Variants in VPS33B observed in about 807,000 individuals in gnomAD.
VPS33B encodes vacuolar protein sorting-associated protein 33B.
In VPS33B, 80 loss-of-function variants were observed where a neutral mutation model predicts 95.3. The observed-to-expected ratio is 0.84, with a 90% CI of 0.70 to 1.01. VPS33B has a LOEUF of 1.01. Ranked by LOEUF, VPS33B falls within the 50% of genes least tolerant of loss-of-function variation. The pLI is 0.00. For missense variants in VPS33B, 715 were observed against 773.4 expected, an observed-to-expected ratio of 0.92 and a Z score of 0.90; for synonymous variants, 280 against 280.4, an observed-to-expected ratio of 1.00 and a Z score of 0.01.
In VPS33B at chr15:91,006,888, G is replaced by A. The variant is rs144447841; in HGVS notation, c.700+62C>T. ...TTTAGGATTTTAACTTTGCCACCAC[G>A]CCTTCCATATTCCCGTGTCTTCTAG... On this transcript the variant is annotated intron_variant, in intron 9 of 22. Coordinates refer to ENST00000333371, the MANE Select transcript of VPS33B (RefSeq NM_018668.5). The surrounding 1 kb of genome is among the most constrained non-coding windows in gnomAD (Gnocchi z 5.4). 89 of 1,605,854 alleles carry A rather than the reference G, an allele frequency of 5.5e-5. No homozygotes were observed. In the African/African-American group the frequency reaches 8.9e-4, roughly 16 times the overall value.
In VPS33B at chr15:91,000,620, A is replaced by G. The variant is rs1458415503; in HGVS notation, c.1480-29T>C. ...TAAGACAAAGGGACTTCATTAGGCAAGTGACAGCTCAGCTCCCTAACCCTT... is the reference window on the plus strand; with the variant it reads ...TAAGACAAAGGGACTTCATTAGGCAGGTGACAGCTCAGCTCCCTAACCCTT... On this transcript the variant is annotated intron_variant, in intron 19 of 22. Transcript: ENST00000333371. This position sits in a 1 kb window ranked among gnomAD's most constrained non-coding sequence, Gnocchi z 4.9. 3 of 1,599,804 alleles carry G rather than the reference A, an allele frequency of 1.9e-6. No homozygotes were observed. Among genetic ancestry groups the G allele is most frequent in the Non-Finnish European group, 2.6e-6 (3 of 1,169,150 alleles).
rs765330198 is a variant in VPS33B, at chr15:91,000,476, T to A, written c.1581+14A>T. ...AATGAAATATGAATGGGAGCAAGAA[T>A]TACATGCTCTCACCTGCTCAATGAT... On this transcript the variant is annotated intron_variant, in intron 20 of 22. Transcript: ENST00000333371. The surrounding 1 kb of genome is among the most constrained non-coding windows in gnomAD (Gnocchi z 4.9). The A allele has an allele frequency of 1.9e-6, 3 of 1,603,420 alleles. No homozygotes were observed. The African/African-American group carries it at 4.0e-5, about 22-fold the overall frequency.
Position 90,999,939 on chromosome 15 carries a change from C to A in VPS33B, c.1618G>T (p.Val540Leu). The A allele has an allele frequency of 6.2e-7, 1 of 1,614,242 alleles. No homozygotes were observed. Among genetic ancestry groups the A allele is most frequent in the Non-Finnish European group, 8.5e-7 (1 of 1,180,048 alleles). ...TCACTGCAGTTGAGCAGCCGTACCACCTCATCAAGGCCCTGCCAGCTTCGC... is the reference window on the plus strand; with the variant it reads ...TCACTGCAGTTGAGCAGCCGTACCAACTCATCAAGGCCCTGCCAGCTTCGC... ...ERRSWQGLDE[V>L]VRLLNCSDFA... is the part of the protein sequence containing the mutation. Residue 540 changes from valine (V) to leucine (L), a missense_variant, in exon 21 of 23, where the codon GTG becomes TTG. Transcript: ENST00000333371. This position sits in a 1 kb window ranked among gnomAD's most constrained non-coding sequence, Gnocchi z 5.1.
rs142261328 is a variant in VPS33B, at chr15:91,002,105, G to T, written c.1350C>A (p.Asp450Glu). 1.2e-6 allele frequency: 2 copies of T among 1,614,198 alleles called. No homozygotes were observed. The highest frequency in any genetic ancestry group is 1.7e-6 in the Non-Finnish European group (2 of 1,180,042). The change falls in exon 18 of 23, where the codon GAC (aspartate) becomes GAA (glutamate). Residue 450 changes from aspartate (D) to glutamate (E), a missense_variant. Transcript: ENST00000333371. This position sits in a 1 kb window ranked among gnomAD's most constrained non-coding sequence, Gnocchi z 4.7. ...AGLLTEQAPG[D>E]TLTAVESKVS... ...CTTTACTCTCCACGGCTGTGAGGGT[G>T]TCCCCGGGGGCCTGCTCCGTTAGGA... is the stretch of plus-strand genomic sequence containing the variant.
rs998327282 is a variant in VPS33B, at chr15:91,000,864, A to G, written c.1480-273T>C. 35 of 458,612 alleles carry G rather than the reference A, an allele frequency of 7.6e-5. No individual in the cohort carries two copies. The Admixed American group carries it at 1.2e-3, about 16-fold the overall frequency. The allele number at this position is 458,612 out of a possible 1,614,324, so 28.4% of individuals were successfully genotyped here. A position where few individuals can be genotyped will look rare whatever the true frequency, so the allele number is the denominator to read the frequency against. On this transcript the variant is annotated intron_variant, in intron 19 of 22. Transcript: ENST00000333371. The surrounding 1 kb of genome is among the most constrained non-coding windows in gnomAD (Gnocchi z 4.9). ...TTTCCCTACCCTTAAGTGACACAGG[A>G]TATGGTTGTCACTGAAGCAGCACTT...
intron 16 of VPS33B, among the ~76,000 whole-genome samples, chr15:91,003,502 C>T (rs1199331598): frequency 1.3e-5 from 2 of 152,058 alleles, no homozygotes; most frequent in East Asian, 1.9e-4. Flanking sequence ...TGCAGTGGTG[C>T]GATCTTGGCT....
In VPS33B at chr15:91,002,447, A is replaced by T. The variant is rs529258630; in HGVS notation, c.1273-265T>A. On this transcript the variant is annotated intron_variant, in intron 17 of 22. Transcript: ENST00000333371. This position sits in a 1 kb window ranked among gnomAD's most constrained non-coding sequence, Gnocchi z 4.7. ...GGAGTTTGAGACCAGCCTGGCCAAC[A>T]TGGTGAAACCCCATCTCTACTAAAA... Among the ~76,000 whole-genome samples the T allele has an allele frequency of 3.3e-5, 5 of 152,216 alleles. No individual in the cohort carries two copies. The South Asian group carries it at 1.0e-3, about 32-fold the overall frequency.
At chr15:91,014,309 G>T in intron 4 of VPS33B, 75 bp downstream of exon 4, 1 of 1,436,598 alleles carries the variant, frequency 7.0e-7, no homozygotes, top group Non-Finnish European at 9.8e-7. Flanking sequence ...TCTTATTAGA[G>T]GGTCCTTATG....
chr15:91,002,099 G>T lies in VPS33B; in HGVS notation c.1356C>A (p.Leu452=), dbSNP rs144383698. 1.2e-6 allele frequency: 2 copies of T among 1,614,064 alleles called. No homozygotes were observed. Among genetic ancestry groups the T allele is most frequent in the African/African-American group, 2.7e-5 (2 of 74,934 alleles). ...LLTEQAPGDT[L]TAVESKVSKL... is the part of the protein sequence containing the mutation. ...TGCTCACTTTACTCTCCACGGCTGTGAGGGTGTCCCCGGGGGCCTGCTCCG... is the reference window on the plus strand; with the variant it reads ...TGCTCACTTTACTCTCCACGGCTGTTAGGGTGTCCCCGGGGGCCTGCTCCG... Residue 452 remains leucine (L), a synonymous_variant, in exon 18 of 23, where the codon CTC becomes CTA. Coordinates refer to ENST00000333371, the MANE Select transcript of VPS33B (RefSeq NM_018668.5). This position sits in a 1 kb window ranked among gnomAD's most constrained non-coding sequence, Gnocchi z 4.7.
Position 91,022,160 on chromosome 15 carries a change from C to T in VPS33B, c.90G>A (p.Leu30=). Residue 30 remains leucine, a synonymous_variant, in exon 1 of 23, where the codon CTG becomes CTA. Coordinates refer to ENST00000333371, the MANE Select transcript of VPS33B (RefSeq NM_018668.5). ...RLARDQLIYL[L]EQLPGKKDLF... is the part of the protein sequence containing the mutation. ...GCGTCAGGCAAGCACTGACCTGCTCCAGCAGATAGATGAGCTGGTCTCGAG... is the reference window on the plus strand; with the variant it reads ...GCGTCAGGCAAGCACTGACCTGCTCTAGCAGATAGATGAGCTGGTCTCGAG... 3.8e-6 allele frequency: 6 copies of T among 1,562,744 alleles called. No individual in the cohort carries two copies. Among genetic ancestry groups the T allele is most frequent in the Non-Finnish European group, 5.2e-6 (6 of 1,152,406 alleles).
intron 16 of VPS33B, among the ~76,000 whole-genome samples, chr15:91,003,729 C>T (rs755777555): frequency 6.6e-6 from 1 of 152,130 alleles, no homozygotes; most frequent in East Asian, 1.9e-4. Context: ...TGAGCCACCG[C>T]ACCTGGCAGA....
At position 91,001,459 on chromosome 15, in the gene VPS33B, T is replaced by C. The variant is rs758181262; in HGVS notation, c.1409A>G (p.Lys470Arg). ...SKLVTDKAAG[K>R]ITDAFSSLAK... ...CAGAGAACTGAAGGCATCAGTAATCTTTCCTGGGGAAGAAATCTGTGTCAG... is the reference window on the plus strand; with the variant it reads ...CAGAGAACTGAAGGCATCAGTAATCCTTCCTGGGGAAGAAATCTGTGTCAG... The change falls in exon 19 of 23, where the codon AAG becomes AGG. Residue 470 changes from lysine (K) to arginine (R), a missense_variant. Transcript: ENST00000333371. 7 of 1,613,930 alleles carry C rather than the reference T, an allele frequency of 4.3e-6. No individual in the cohort carries two copies. The African/African-American group carries it at 8.0e-5, about 18-fold the overall frequency.
chr15:91,022,421 C>T lies in VPS33B; in HGVS notation c.-172G>A, dbSNP rs2151689226. On this transcript the variant is annotated 5_prime_UTR_variant, in exon 1 of 23. Coordinates refer to ENST00000333371, the MANE Select transcript of VPS33B (RefSeq NM_018668.5). ...CACTCCAGGAATGAATGGCCACCTC[C>T]AGGCAAGAGAGCTACTACCTCGGAG... 5 of 601,500 alleles carry T rather than the reference C, an allele frequency of 8.3e-6. No homozygotes were observed. The highest frequency in any genetic ancestry group is 1.4e-5 in the Non-Finnish European group (5 of 345,982). 37.3% of individuals were successfully genotyped at this position (601,500 alleles called of 1,614,324 possible). A position where few individuals can be genotyped will look rare whatever the true frequency, so the allele number is the denominator to read the frequency against.
In VPS33B at chr15:91,010,687, G is replaced by C. The variant is rs1380922827; in HGVS notation, c.358-841C>G. ...GACAGGACTCTAGGGAACACAAGAT[G>C]AAAGGGGGCCAGAGTACAGGACCTG... On this transcript the variant is annotated intron_variant, in intron 5 of 22. Transcript: ENST00000333371. The surrounding 1 kb of genome is among the most constrained non-coding windows in gnomAD (Gnocchi z 5.7). Among the ~76,000 whole-genome samples, 1 of 152,160 alleles carries C rather than the reference G, an allele frequency of 6.6e-6. No homozygotes were observed. The highest frequency in any genetic ancestry group is 1.5e-5 in the Non-Finnish European group (1 of 68,028).
At chr15:91,017,370 A>C (rs1402314564) in intron 2 of VPS33B, among the ~76,000 whole-genome samples, 3 of 26,964 alleles carry the variant, frequency 1.1e-4, no homozygotes, top group African/African-American at 2.2e-4. Context: ...AAAATTAAAT[A>C]TATATATATA....
rs1247288878 is a variant in VPS33B at position 91,005,734 on chromosome 15, C to T, written c.990G>A (p.Glu330=). The stretch of plus-strand genomic sequence containing the variant: ...GGTGCTCCTGTTTCAGGCCCTTGAG[C>T]TCCTGGGACACGAAATTCTTCATCT... ...IKQMKNFVSQ[E]LKGLKQEHRL... is the part of the protein sequence containing the mutation. The change falls in exon 13 of 23, where the codon GAG becomes GAA. Residue 330 remains glutamate (E), a synonymous_variant. Transcript: ENST00000333371. This position sits in a 1 kb window ranked among gnomAD's most constrained non-coding sequence, Gnocchi z 6.4. 1.2e-6 allele frequency: 2 copies of T among 1,614,062 alleles called. No individual in the cohort carries two copies. Among genetic ancestry groups the T allele is most frequent in the Non-Finnish European group, 1.7e-6 (2 of 1,180,032 alleles).
In VPS33B at chr15:91,005,149, T is replaced by G. The variant is rs1211519294; in HGVS notation, c.1106-30A>C. ...GAGTAATCAGAGGAGAGCCTGTTACTGGGGGCCAGCTCAGCTGCTGCCATC... is the reference window on the plus strand; with the variant it reads ...GAGTAATCAGAGGAGAGCCTGTTACGGGGGGCCAGCTCAGCTGCTGCCATC... On this transcript the variant is annotated intron_variant, in intron 14 of 22. Transcript: ENST00000333371. The surrounding 1 kb of genome is among the most constrained non-coding windows in gnomAD (Gnocchi z 6.4). 6.2e-7 allele frequency: 1 copy of G among 1,614,142 alleles called. No homozygotes were observed. Among genetic ancestry groups the G allele is most frequent in the Non-Finnish European group, 8.5e-7 (1 of 1,180,038 alleles).
chr15:90,999,959 C>T lies in VPS33B; in HGVS notation c.1598G>A (p.Ser533Asn). The T allele has an allele frequency of 6.2e-7, 1 of 1,614,258 alleles. No homozygotes were observed. Among genetic ancestry groups the T allele is most frequent in the Non-Finnish European group, 8.5e-7 (1 of 1,180,044 alleles). The stretch of plus-strand genomic sequence containing the variant: ...TACCACCTCATCAAGGCCCTGCCAG[C>T]TTCGCCGCTCTAGCACCTGGGAAGG... ...RIIEQVLERR[S>N]WQGLDEVVRL... is the part of the protein sequence containing the mutation. Residue 533 changes from serine (S) to asparagine (N), a missense_variant, in exon 21 of 23, where the codon AGC becomes AAC. By Grantham distance (46) the Ser-to-Asn change is conservative. Transcript: ENST00000333371. This position sits in a 1 kb window ranked among gnomAD's most constrained non-coding sequence, Gnocchi z 5.1.
At chr15:91,003,216 G>T in intron 16 of VPS33B, 85 bp from the exon 17 acceptor site, 1 of 1,295,596 alleles carries the variant, frequency 7.7e-7, no homozygotes, top group Non-Finnish European at 1.1e-6. Flanking sequence ...AGCAACGAAC[G>T]CCTTCTTCAG....
Sources: gnomAD v4.1 joint callset for allele counts (sites outside exome capture counted in the v4.1 genomes callset) on GRCh38, gnomAD v4.1.1 for gene constraint, Gnocchi (gnomAD v3.1) non-coding constraint, MANE v1.5 for transcripts, NCBI Gene and HGNC (gene_info 2026-07-23, HGNC 2026-07-21) for gene names.